FGF14: variants seen among roughly 807,000 people sequenced by gnomAD.
FGF14 encodes the protein fibroblast growth factor homologous factor 4.
Under a neutral mutation model 25.5 loss-of-function variants are expected in FGF14, and 5 were observed. That is an observed-to-expected ratio of 0.20 (90% CI 0.10 to 0.41). FGF14 has a LOEUF of 0.41. FGF14 is among the 10% of genes least tolerant of loss of function. The pLI is 1.00. For synonymous variants in FGF14, 138 were observed against 118.3 expected (o/e 1.17, Z -1.08); for missense variants, 222 against 320.1 (o/e 0.69, Z 2.34).
intron 1 of FGF14, among the ~76,000 whole-genome samples, chr13:102,127,109 T>C (rs975484524): frequency 6.6e-6 from 1 of 152,090 alleles, no homozygotes; most frequent in Non-Finnish European, 1.5e-5. Context: ...ATATTATATA[T>C]ATATACATAT....
At chr13:101,776,429 A>T (rs2039108143) in intron 3 of FGF14, among the ~76,000 whole-genome samples, 1 of 152,220 alleles carries the variant, frequency 6.6e-6, no homozygotes, top group South Asian at 2.1e-4. Flanking sequence ...CTGTATTTTC[A>T]TCTGAAGCTT....
chr13:102,150,769 G>A (rs1423805824), intron 1 of FGF14, among the ~76,000 whole-genome samples: 5 of 152,136 alleles, frequency 3.3e-5, no homozygotes, highest in African/African-American at 1.2e-4. Flanking sequence ...TTGGCAATCT[G>A]GAGACATTTT....
At chr13:101,955,862 AT>A (rs2036481138) in intron 1 of FGF14, among the ~76,000 whole-genome samples, 1 of 152,226 alleles carries the variant, frequency 6.6e-6, no homozygotes, top group Non-Finnish European at 1.5e-5. Flanking sequence ...CCTTTTCTTC[AT>A]TAACCGAATT....
At chr13:102,145,166 G>A (rs1424719418) in intron 1 of FGF14, among the ~76,000 whole-genome samples, 2 of 152,164 alleles carry the variant, frequency 1.3e-5, no homozygotes, top group Non-Finnish European at 2.9e-5. Flanking sequence ...CCTCCATTTG[G>A]AGGAGGTTGA....
chr13:102,212,829 G>A (rs1435042590), intron 1 of FGF14, among the ~76,000 whole-genome samples: 1 of 152,126 alleles, frequency 6.6e-6, no homozygotes, highest in Non-Finnish European at 1.5e-5. Context: ...GCACTGCCAA[G>A]CATAGCTTAC....
At chr13:102,111,625 A>T (rs2045229829) in intron 1 of FGF14, among the ~76,000 whole-genome samples, 1 of 152,016 alleles carries the variant, frequency 6.6e-6, no homozygotes, top group Non-Finnish European at 1.5e-5. Context: ...CTGAGGCAGG[A>T]GGATTGCTTG....
At chr13:102,009,566 G>A (rs1299244458) in intron 1 of FGF14, among the ~76,000 whole-genome samples, 1 of 151,748 alleles carries the variant, frequency 6.6e-6, no homozygotes, top group African/African-American at 2.4e-5. Context: ...ATTTTTATGG[G>A]ATTAAAAAAT....
At chr13:102,262,044 G>A (rs1273915166) in intron 1 of FGF14, among the ~76,000 whole-genome samples, 1 of 152,168 alleles carries the variant, frequency 6.6e-6, no homozygotes, top group Non-Finnish European at 1.5e-5. Flanking sequence ...CTGTGGCTGA[G>A]GGCAGGGTAA....
At position 101,845,592 on chromosome 13, in the gene FGF14, A is replaced by G. The variant is rs77055248; in HGVS notation, c.408+23133T>C. ...GCATGCTGAGAGAGACAGAAACAAT[A>G]AAATGAAGTATGAGACAGAAAGAGA... On this transcript the variant is annotated intron_variant, in intron 3 of 4. Coordinates refer to ENST00000376143, the MANE Select transcript of FGF14 (RefSeq NM_004115.4). Among the ~76,000 whole-genome samples the G allele has an allele frequency of 8.4e-3, 1,281 of 152,166 alleles. 19 individuals carry two copies. The highest frequency in any genetic ancestry group is 0.03 in the African/African-American group (1,230 of 41,560).
intron 2 of FGF14, among the ~76,000 whole-genome samples, chr13:101,869,549 T>C (rs1432991395): frequency 3.9e-5 from 6 of 152,204 alleles, no homozygotes; most frequent in Admixed American, 6.5e-5. Flanking sequence ...CAGTGCTGCA[T>C]GTTGAATGTT....
At chr13:102,309,883 T>C (rs985889840) in intron 1 of FGF14, among the ~76,000 whole-genome samples, 5 of 152,196 alleles carry the variant, frequency 3.3e-5, no homozygotes, top group Non-Finnish European at 7.3e-5. Context: ...TCAGCAACTC[T>C]TGGACAAGTT....
intron 1 of FGF14, among the ~76,000 whole-genome samples, chr13:102,210,751 G>A (rs1044672365): frequency 6.6e-5 from 10 of 152,030 alleles, no homozygotes; most frequent in Admixed American, 3.9e-4. Flanking sequence ...GCACAGTAAA[G>A]GAACAAAAAC....
intron 3 of FGF14, among the ~76,000 whole-genome samples, chr13:101,829,942 T>A (rs2042586305): frequency 6.6e-6 from 1 of 152,070 alleles, no homozygotes; most frequent in Admixed American, 6.6e-5. Flanking sequence ...TGACTTAGAA[T>A]CATAGGCTTC....
At chr13:102,386,485 T>TA (rs1368204605) in intron 1 of FGF14, among the ~76,000 whole-genome samples, 2 of 152,138 alleles carry the variant, frequency 1.3e-5, no homozygotes, top group Non-Finnish European at 2.9e-5. Flanking sequence ...AAAGGATACA[T>TA]AAAAAATGGT....
intron 3 of FGF14, among the ~76,000 whole-genome samples, chr13:101,761,218 G>A (rs544309077): frequency 5.3e-5 from 8 of 152,168 alleles, no homozygotes; most frequent in East Asian, 1.9e-4. Flanking sequence ...TATAATTTGC[G>A]AACCTTCAAA....
chr13:101,735,325 T>C (rs138557878), intron 3 of FGF14, among the ~76,000 whole-genome samples: 1 of 152,146 alleles, frequency 6.6e-6, no homozygotes, highest in Non-Finnish European at 1.5e-5. Flanking sequence ...CAACTAGACA[T>C]AGAAAATATG....
intron 1 of FGF14, among the ~76,000 whole-genome samples, chr13:102,281,815 A>AT (rs1307415578): frequency 6.6e-6 from 1 of 151,844 alleles, no homozygotes; most frequent in African/African-American, 2.4e-5. Flanking sequence ...AGCATACACT[A>AT]CATGTCCATC....
chr13:101,935,126 A>T (rs1351517607), intron 1 of FGF14, among the ~76,000 whole-genome samples: 1 of 152,266 alleles, frequency 6.6e-6, no homozygotes, highest in Non-Finnish European at 1.5e-5. Flanking sequence ...ATACATTTTA[A>T]TAAAATATTT....
chr13:102,097,927 T>A (rs2044478245), intron 1 of FGF14, among the ~76,000 whole-genome samples: 1 of 152,206 alleles, frequency 6.6e-6, no homozygotes, highest in African/African-American at 2.4e-5. Flanking sequence ...TTCGTCACCA[T>A]CAGCAGTCAA....
Sources: allele counts gnomAD v4.1 joint callset (sites outside exome capture counted in the v4.1 genomes callset), GRCh38; gene constraint gnomAD v4.1.1; transcripts MANE v1.5; gene names NCBI Gene and HGNC (gene_info 2026-07-23, HGNC 2026-07-21).